Variants in FGGY observed in about 807,000 individuals in gnomAD.
FGGY encodes the protein FGGY carbohydrate kinase domain containing.
In FGGY, 72 loss-of-function variants were observed where a neutral mutation model predicts 71.3. That is an observed-to-expected ratio of 1.01 (90% CI 0.84 to 1.23). The LOEUF is 1.23. Among genes scored for constraint, FGGY ranks in the 50% most tolerant of loss-of-function variants. FGGY has a pLI of 0.00. For missense variants in FGGY, 668 were observed against 682.3 expected (o/e 0.98, Z 0.23); for synonymous variants, 251 against 250.3 (o/e 1.00, Z -0.02).
chr1:59,535,549 A>G (rs1257365027), intron 7 of FGGY, among the ~76,000 whole-genome samples: 8 of 152,052 alleles, frequency 5.3e-5, no homozygotes, highest in Non-Finnish European at 1.2e-4. Flanking sequence ...GCACCACACC[A>G]CACCTATTCC....
chr1:59,636,933 A>G (rs1238449059), intron 10 of FGGY, among the ~76,000 whole-genome samples: 1 of 152,196 alleles, frequency 6.6e-6, no homozygotes, highest in Non-Finnish European at 1.5e-5. Flanking sequence ...TATACAAGCC[A>G]TGTTTTTAAC....
At chr1:59,530,406 G>T (rs989788620) in intron 7 of FGGY, among the ~76,000 whole-genome samples, 3 of 152,190 alleles carry the variant, frequency 2.0e-5, no homozygotes, top group Non-Finnish European at 4.4e-5. Flanking sequence ...AGGTACTAAA[G>T]ATATAAATAT....
At chr1:59,355,958 A>G (rs2054235758) in intron 4 of FGGY, among the ~76,000 whole-genome samples, 2 of 152,116 alleles carry the variant, frequency 1.3e-5, no homozygotes, top group Non-Finnish European at 1.5e-5. Context: ...AGTTTCCAAT[A>G]TTTAAAAATT....
intron 4 of FGGY, among the ~76,000 whole-genome samples, chr1:59,373,271 C>A (rs2058044793): frequency 6.6e-6 from 1 of 152,100 alleles, no homozygotes; most frequent in African/African-American, 2.4e-5. Flanking sequence ...CAATAACAGA[C>A]AAACAGCCAA....
At chr1:59,438,130 A>G (rs752015192) in intron 5 of FGGY, among the ~76,000 whole-genome samples, 21 of 152,322 alleles carry the variant, frequency 1.4e-4, no homozygotes, top group African/African-American at 3.6e-4. Flanking sequence ...ACTACAGTCT[A>G]TTCCTCACCA....
chr1:59,449,262 T>C (rs948731314), intron 5 of FGGY, among the ~76,000 whole-genome samples: 10 of 152,138 alleles, frequency 6.6e-5, no homozygotes, highest in African/African-American at 2.2e-4. Flanking sequence ...CCTCAGCTTA[T>C]TATTTGTATC....
At chr1:59,689,731 A>G (rs1416774368) in intron 14 of FGGY, among the ~76,000 whole-genome samples, 1 of 152,210 alleles carries the variant, frequency 6.6e-6, no homozygotes, top group Non-Finnish European at 1.5e-5. Flanking sequence ...CTAAAGTGCT[A>G]TCCTCTTTCA....
intron 8 of FGGY, among the ~76,000 whole-genome samples, chr1:59,607,211 A>G (rs1489822717): frequency 6.6e-6 from 1 of 152,184 alleles, no homozygotes; most frequent in Non-Finnish European, 1.5e-5. Context: ...TCTTTCATAT[A>G]TGTGGGACAT....
intron 7 of FGGY, among the ~76,000 whole-genome samples, chr1:59,538,976 C>T (rs879761334): frequency 2.0e-5 from 3 of 151,518 alleles, no homozygotes; most frequent in Non-Finnish European, 4.4e-5. Flanking sequence ...GCACATGTAC[C>T]CTAAAACTTA....
At chr1:59,485,157 A>G (rs1558088476) in intron 6 of FGGY, among the ~76,000 whole-genome samples, 2 of 152,238 alleles carry the variant, frequency 1.3e-5, no homozygotes, top group African/African-American at 2.4e-5. Context: ...CTCACTAGCT[A>G]GTGGCATGTT....
chr1:59,583,738 C>A (rs1320151267), intron 8 of FGGY, among the ~76,000 whole-genome samples: 1 of 142,230 alleles, frequency 7.0e-6, no homozygotes, highest in Non-Finnish European at 1.5e-5. Context: ...GAACAGTCAC[C>A]CTCACCAAGA....
intron 5 of FGGY, among the ~76,000 whole-genome samples, chr1:59,407,080 C>T (rs2062872661): frequency 6.6e-6 from 1 of 152,204 alleles, no homozygotes; most frequent in Non-Finnish European, 1.5e-5. Flanking sequence ...TTGTCCCTCC[C>T]TCTGTCTGCC....
intron 6 of FGGY, among the ~76,000 whole-genome samples, chr1:59,496,510 A>C (rs1426130047): frequency 6.6e-6 from 1 of 152,132 alleles, no homozygotes; most frequent in Non-Finnish European, 1.5e-5. Flanking sequence ...AGAACAGTAG[A>C]CACTGGGGCC....
chr1:59,615,096 T>C (rs939665967), intron 9 of FGGY, among the ~76,000 whole-genome samples: 11 of 152,168 alleles, frequency 7.2e-5, no homozygotes, highest in Non-Finnish European at 1.3e-4. Flanking sequence ...ATAGATTCAA[T>C]GCCATCCCCA....
At chr1:59,756,092 T>C (rs976697860) in intron 14 of FGGY, 4 of 152,254 alleles carry the variant, frequency 2.6e-5, no homozygotes, top group African/African-American at 9.6e-5. Flanking sequence ...ATACCTCTGC[T>C]AAGTGGAATG....
intron 5 of FGGY, among the ~76,000 whole-genome samples, chr1:59,380,342 C>CT (rs1271248219): frequency 1.3e-5 from 2 of 151,302 alleles, no homozygotes; most frequent in South Asian, 2.1e-4. Flanking sequence ...AATGGTATTT[C>CT]TAGTTCTAGA....
At chr1:59,566,815 T>TA (rs1323523346) in intron 8 of FGGY, among the ~76,000 whole-genome samples, 11 of 119,316 alleles carry the variant, frequency 9.2e-5, no homozygotes, top group African/African-American at 5.0e-4. Flanking sequence ...ATGAAATTTA[T>TA]CCCCTTGTAT....
chr1:59,633,786 T>C (rs1290746394), intron 10 of FGGY, among the ~76,000 whole-genome samples: 1 of 152,104 alleles, frequency 6.6e-6, no homozygotes, highest in African/African-American at 2.4e-5. Flanking sequence ...TCCTCAGCAC[T>C]AGATGGTAAC....
chr1:59,399,280 G>A (rs930689605), intron 5 of FGGY, among the ~76,000 whole-genome samples: 2 of 152,192 alleles, frequency 1.3e-5, no homozygotes, highest in Admixed American at 6.5e-5. Flanking sequence ...TTGTTGTGTC[G>A]TCTTGGGCAA....
Sources: gnomAD v4.1 joint callset for allele counts (sites outside exome capture counted in the v4.1 genomes callset) on GRCh38, gnomAD v4.1.1 for gene constraint, MANE v1.5 for transcripts, NCBI Gene and HGNC (gene_info 2026-07-23, HGNC 2026-07-21) for gene names.